The following DHX34 variants were observed in gnomAD, a reference collection of about 807,000 sequenced individuals.
The protein encoded by DHX34 is DExH-box helicase 34, also known as probable ATP-dependent RNA helicase DHX34.
Under a neutral mutation model 111.1 loss-of-function variants are expected in DHX34, and 96 were observed. The observed-to-expected ratio is 0.86, with a 90% confidence interval of 0.73 to 1.02. DHX34 has a LOEUF of 1.02. Among genes scored for constraint, DHX34 ranks in the 50% least tolerant of loss-of-function variants. The pLI, the probability that DHX34 is intolerant of heterozygous loss-of-function variation, is 0.00. For missense variants in DHX34, 1,560 were observed against 1,579.9 expected (o/e 0.99, Z 0.21); for synonymous variants, 688 against 670.4 (o/e 1.03, Z -0.41).
intron 13 of DHX34, among the ~76,000 whole-genome samples, chr19:47,378,367 C>T (rs1026237863): frequency 3.3e-5 from 5 of 152,174 alleles, no homozygotes; most frequent in African/African-American, 1.2e-4. Context: ...CCTCATGGGG[C>T]TCAGATAGGA....
rs139356591 is a variant in DHX34 at position 47,355,086 on chromosome 19, G to A, written c.753G>A (p.Lys251=). ...RFESTRSAAT[K]IVFLTVGLLL... Reference sequence around the variant, plus strand: ...AGAGCACACGTTCGGCGGCCACCAAGATTGTATTCCTGACAGTGGGGCTGC... The same window carrying A: ...AGAGCACACGTTCGGCGGCCACCAAAATTGTATTCCTGACAGTGGGGCTGC... Residue 251 remains lysine, a synonymous_variant, in exon 3 of 17, where the codon AAG becomes AAA. Transcript: ENST00000328771. 32 of 1,613,806 alleles carry A rather than the reference G, an allele frequency of 2.0e-5. No homozygotes were observed. In the African/African-American group the frequency reaches 3.5e-4, roughly 18 times the overall value.
At chr19:47,355,884 CAAAT>C (rs1322671690) in intron 3 of DHX34, among the ~76,000 whole-genome samples, 1 of 151,906 alleles carries the variant, frequency 6.6e-6, no homozygotes. Context: ...TGTAAAGTCT[CAAAT>C]AAGAGAAGTT....
In DHX34 at chr19:47,370,359, C is replaced by G. The variant is rs889065740; in HGVS notation, c.1769-2371C>G. Among the ~76,000 whole-genome samples the G allele has an allele frequency of 3.3e-5, 5 of 152,292 alleles. No homozygotes were observed. The East Asian group carries it at 7.7e-4, about 24-fold the overall frequency. On this transcript the variant is annotated intron_variant, in intron 7 of 16. Coordinates refer to ENST00000328771, the MANE Select transcript of DHX34 (RefSeq NM_014681.6). ...CCTCTCTCCTCTGCACAGCGTGTCCCCAGCTCTGCCCCGCACCCCTCTCTT... is the reference window on the plus strand; with the variant it reads ...CCTCTCTCCTCTGCACAGCGTGTCCGCAGCTCTGCCCCGCACCCCTCTCTT...
At chr19:47,350,801 G>C (rs556519584) in intron 1 of DHX34, among the ~76,000 whole-genome samples, 1 of 152,174 alleles carries the variant, frequency 6.6e-6, no homozygotes, top group Admixed American at 6.6e-5. Flanking sequence ...GGAAGAGTTG[G>C]ATTACAGAGA....
chr19:47,349,801 A>C (rs2122197142), intron 1 of DHX34, among the ~76,000 whole-genome samples: 1 of 152,288 alleles, frequency 6.6e-6, no homozygotes, highest in Admixed American at 6.5e-5. Context: ...ATTTAGATGG[A>C]GAAACGAGAC....
At chr19:47,351,391 C>T (rs1036287644) in intron 1 of DHX34, among the ~76,000 whole-genome samples, 1 of 151,538 alleles carries the variant, frequency 6.6e-6, no homozygotes, top group African/African-American at 2.4e-5. Flanking sequence ...GAGCAAGACT[C>T]CATCTCAAAA....
chr19:47,373,782 C>G (rs1970046825), intron 9 of DHX34, 82 bp downstream of exon 9: 8 of 1,513,900 alleles, frequency 5.3e-6, no homozygotes, highest in Non-Finnish European at 7.1e-6. Context: ...CTTCCCCTTC[C>G]CAGACAGTGG....
Position 47,372,924 on chromosome 19 carries a change from G to A in DHX34, c.1962+1G>A. On this transcript the variant is annotated splice_donor_variant, in intron 8 of 16. Coordinates refer to ENST00000328771, the MANE Select transcript of DHX34 (RefSeq NM_014681.6). LOFTEE classifies it high-confidence loss of function. ...CAACGTCTTCAACGCCTGGGTGCAG[G>A]TGAGGCTGGTGGTGGGGGCCCTCTG... The A allele has an allele frequency of 6.3e-7, 1 of 1,590,732 alleles. No individual in the cohort carries two copies. The highest frequency in any genetic ancestry group is 8.5e-7 in the Non-Finnish European group (1 of 1,172,666).
rs1970328037 is a variant in DHX34 at position 47,380,806 on chromosome 19, C to A, written c.2983-10C>A. 1 of 1,613,630 alleles carries A rather than the reference C, an allele frequency of 6.2e-7. No homozygotes were observed. Among genetic ancestry groups the A allele is most frequent in the Admixed American group, 1.7e-5 (1 of 59,950 alleles). Reference sequence around the variant, plus strand: ...CTGTCTCTCTCCATTTCCTGTCTCTCCTTCCTTAGATTCCTTACAGCCTCC... The same window carrying A: ...CTGTCTCTCTCCATTTCCTGTCTCTACTTCCTTAGATTCCTTACAGCCTCC... On this transcript the variant is annotated splice_polypyrimidine_tract_variant and intron_variant, in intron 14 of 16. Transcript: ENST00000328771.
At position 47,358,223 on chromosome 19, in the gene DHX34, G is replaced by A. The variant is rs1006639071; in HGVS notation, c.1272+103G>A. The stretch of plus-strand genomic sequence containing the variant: ...TCCACAAACACAGGGCTCGGGGGCT[G>A]TACTTGTGCAAAGTCGTAGCCACCT... On this transcript the variant is annotated intron_variant, in intron 4 of 16. Coordinates refer to ENST00000328771, the MANE Select transcript of DHX34 (RefSeq NM_014681.6). The A allele has an allele frequency of 2.7e-6, 4 of 1,473,424 alleles. No homozygotes were observed. The East Asian group carries it at 7.2e-5, about 27-fold the overall frequency. The allele number at this position is 1,473,424 out of a possible 1,614,324, so 91.3% of individuals were successfully genotyped here. A position where few individuals can be genotyped will look rare whatever the true frequency, so the allele number is the denominator to read the frequency against.
At chr19:47,372,656 G>A in intron 7 of DHX34, 74 bp from the exon 8 acceptor site, 1 of 1,467,532 alleles carries the variant, frequency 6.8e-7, no homozygotes, top group East Asian at 2.6e-5. Context: ...GGGAGGGCAG[G>A]CTGGGGCCCC....
At chr19:47,381,359 G>C in intron 16 of DHX34, 35 bp downstream of exon 16, 1 of 1,593,918 alleles carries the variant, frequency 6.3e-7, no homozygotes, top group Non-Finnish European at 8.6e-7. Flanking sequence ...GGCCACCTCT[G>C]CCCAGCCGTC....
intron 7 of DHX34, among the ~76,000 whole-genome samples, chr19:47,371,438 T>C (rs780260080): frequency 2.0e-5 from 3 of 152,220 alleles, no homozygotes; most frequent in Non-Finnish European, 2.9e-5. Context: ...AGGCCAATGC[T>C]GTTGTTCCCC....
chr19:47,349,610 A>G (rs945355759), intron 1 of DHX34, among the ~76,000 whole-genome samples: 4 of 152,138 alleles, frequency 2.6e-5, no homozygotes, highest in African/African-American at 9.7e-5. Context: ...TGAGGGACTG[A>G]AAGACGAGGG....
At chr19:47,375,359 C>T (rs1970103940) in intron 9 of DHX34, 107 bp from the exon 10 acceptor site, 1 of 1,431,344 alleles carries the variant, frequency 7.0e-7, no homozygotes, top group African/African-American at 1.5e-5. Flanking sequence ...TGTTTTCAGC[C>T]CCCTTTGGGC....
At position 47,353,595 on chromosome 19, in the gene DHX34, T is replaced by C; in HGVS notation, c.565T>C (p.Cys189Arg). 1 of 1,613,230 alleles carries C rather than the reference T, an allele frequency of 6.2e-7. No individual in the cohort carries two copies. The highest frequency in any genetic ancestry group is 1.1e-5 in the South Asian group (1 of 91,082). ...QVVVVAGDTG[C>R]GKSTQVPQYL... ...GGTGGTAGTGGCCGGTGACACCGGCTGTGGCAAGTCCACTCAGGTGCCCCA... is the reference window on the plus strand; with the variant it reads ...GGTGGTAGTGGCCGGTGACACCGGCCGTGGCAAGTCCACTCAGGTGCCCCA... The change falls in exon 2 of 17, where the codon TGT becomes CGT. Residue 189 changes from cysteine to arginine, a missense_variant. Cys to Arg is a radical substitution (Grantham distance 180). Coordinates refer to ENST00000328771, the MANE Select transcript of DHX34 (RefSeq NM_014681.6). The surrounding 1 kb of genome is among the most constrained non-coding windows in gnomAD (Gnocchi z 4.6).
intron 9 of DHX34, 140 bp from the exon 10 acceptor site, chr19:47,375,326 A>T: frequency 7.1e-7 from 1 of 1,406,942 alleles, no homozygotes; most frequent in Non-Finnish European, 9.2e-7. Context: ...GCAGCGATCC[A>T]TGCCCAGCAC....
chr19:47,380,871 GACCCCAGACC>G lies in DHX34; in HGVS notation c.3040_3049del (p.Pro1014SerfsTer140). On this transcript the variant is annotated frameshift_variant, in exon 15 of 17. Coordinates refer to ENST00000328771, the MANE Select transcript of DHX34 (RefSeq NM_014681.6). LOFTEE classifies it high-confidence loss of function. ...CTAGAAGTCCAGAACATGTATGTGG[GACCCCAGACC>G]ATCCCAGCCACCCCCCATCTTCCTG... 1 of 1,613,882 alleles carries G rather than the reference GACCCCAGACC, an allele frequency of 6.2e-7. No homozygotes were observed. The highest frequency in any genetic ancestry group is 8.5e-7 in the Non-Finnish European group (1 of 1,179,898).
chr19:47,351,455 T>TG (rs1479846515), intron 1 of DHX34, among the ~76,000 whole-genome samples: 3 of 151,992 alleles, frequency 2.0e-5, no homozygotes, highest in South Asian at 2.1e-4. Context: ...AGCTGAGAAG[T>TG]GGGGGGTTGA....
Sources: gnomAD v4.1 joint callset for allele counts (sites outside exome capture counted in the v4.1 genomes callset) on GRCh38, gnomAD v4.1.1 for gene constraint, Gnocchi (gnomAD v3.1) non-coding constraint, MANE v1.5 for transcripts, NCBI Gene and HGNC (gene_info 2026-07-23, HGNC 2026-07-21) for gene names.